TSFM: variants seen among roughly 807,000 people sequenced by gnomAD.
TSFM encodes the protein Ts translation elongation factor, mitochondrial.
In TSFM, 29 loss-of-function variants were observed where a neutral mutation model predicts 33.4. The ratio of observed to expected loss-of-function variants is 0.87; its 90% confidence interval spans 0.65 to 1.18. TSFM has a LOEUF of 1.18. TSFM is among the 50% of genes most tolerant of loss of function. The probability of loss-of-function intolerance (pLI) is 0.00; values close to 1 mark genes in which losing one functional copy is unlikely to be tolerated. For synonymous variants in TSFM, 178 were observed against 163.5 expected, an observed-to-expected ratio of 1.09 and a Z score of -0.68; for missense variants, 394 against 395.6, an observed-to-expected ratio of 1.00 and a Z score of 0.04.
downstream of TSFM, chr12:57,799,933 A>G (rs1280456157): frequency 6.2e-7 from 1 of 1,614,050 alleles, no homozygotes; most frequent in South Asian, 1.1e-5. Flanking sequence ...AGGTAAGATA[A>G]GAATGTAGGC....
chr12:57,784,417 A>G (rs1955561460), intron 2 of TSFM, among the ~76,000 whole-genome samples: 1 of 152,212 alleles, frequency 6.6e-6, no homozygotes, highest in African/African-American at 2.4e-5. Context: ...TTCTGTGATA[A>G]TAAGTTAACC....
intron 5 of TSFM, among the ~76,000 whole-genome samples, chr12:57,794,734 G>A (rs1955707862): frequency 6.6e-6 from 1 of 152,188 alleles, no homozygotes; most frequent in African/African-American, 2.4e-5. Context: ...TGAGTGCTAT[G>A]TGCCAGATAC....
intron 4 of TSFM, among the ~76,000 whole-genome samples, chr12:57,790,056 C>CT (rs1955641715): frequency 3.5e-5 from 3 of 84,542 alleles, no homozygotes; most frequent in African/African-American, 1.6e-4. Context: ...TGATTTCTTT[C>CT]TTTCTTTTTT....
At position 57,787,032 on chromosome 12, in the gene TSFM, T is replaced by G. The variant is rs2140417965; in HGVS notation, c.361-8T>G. The G allele has an allele frequency of 6.2e-7, 1 of 1,612,992 alleles. No individual in the cohort carries two copies. The highest frequency in any genetic ancestry group is 8.5e-7 in the Non-Finnish European group (1 of 1,179,448). Reference sequence around the variant, plus strand: ...AGCTTATACAGCTATATCAATTTGTTCCCACAGGTAAACTGTGAGACAGAT... The same window carrying G: ...AGCTTATACAGCTATATCAATTTGTGCCCACAGGTAAACTGTGAGACAGAT... On this transcript the variant is annotated splice_region_variant and splice_polypyrimidine_tract_variant and intron_variant, in intron 3 of 5. Coordinates refer to ENST00000652027, the MANE Select transcript of TSFM (RefSeq NM_005726.6).
chr12:57,786,435 G>A, intron 3 of TSFM, 144 bp downstream of exon 3: 1 of 1,066,390 alleles, frequency 9.4e-7, no homozygotes, highest in Non-Finnish European at 1.3e-6. Flanking sequence ...ATGAAACCCT[G>A]GGTATTAGTT....
chr12:57,786,355 G>GC (rs1955591392), intron 3 of TSFM, 64 bp downstream of exon 3: 2 of 1,527,018 alleles, frequency 1.3e-6, no homozygotes, highest in Admixed American at 2.2e-5. Flanking sequence ...CTTGTAGTAG[G>GC]CCCTAAAGGG....
chr12:57,802,025 C>T (rs1194166020), downstream of TSFM: 11 of 1,004,038 alleles, frequency 1.1e-5, no homozygotes, highest in Non-Finnish European at 1.6e-5. Flanking sequence ...AAGTAAAAGG[C>T]AGGGAGTGGG....
downstream of TSFM, among the ~76,000 whole-genome samples, chr12:57,798,768 C>T (rs951015289): frequency 1.4e-4 from 22 of 152,136 alleles, no homozygotes; most frequent in African/African-American, 4.1e-4. Flanking sequence ...AGGCACCCAC[C>T]ACCACGCCTG....
chr12:57,791,903 C>A (rs1280894467), intron 4 of TSFM: 4 of 345,504 alleles, frequency 1.2e-5, no homozygotes, highest in East Asian at 2.1e-4. Flanking sequence ...GCATTCCCAT[C>A]AAAAATGTGC....
chr12:57,784,916 C>CTTTTTTTT (rs1164168295), intron 2 of TSFM, among the ~76,000 whole-genome samples: 3 of 79,142 alleles, frequency 3.8e-5, no homozygotes, highest in Non-Finnish European at 4.8e-5. Flanking sequence ...ATTGAAATAT[C>CTTTTTTTT]TTTTTTTTTT....
Position 57,796,304 on chromosome 12 carries a change from G to A in TSFM, c.699G>A (p.Lys233=). 1.2e-6 allele frequency: 2 copies of A among 1,612,250 alleles called. No individual in the cohort carries two copies. Among genetic ancestry groups the A allele is most frequent in the Non-Finnish European group, 1.7e-6 (2 of 1,179,100 alleles). The change falls in exon 6 of 6, where the codon AAG becomes AAA. Residue 233 remains lysine, a synonymous_variant. Coordinates refer to ENST00000652027, the MANE Select transcript of TSFM (RefSeq NM_005726.6). ...SPSLHKLVLG[K]YGALVICETS... ...CACTTCACAAGCTGGTGCTGGGGAA[G>A]TATGGGGCCCTGGTCATCTGTGAGA...
downstream of TSFM, chr12:57,797,955 A>G: frequency 2.5e-6 from 4 of 1,613,274 alleles, no homozygotes; most frequent in Non-Finnish European, 3.4e-6. Flanking sequence ...CCCTCTTGTG[A>G]TGCCAAACAC....
chr12:57,792,207 G>T (rs192052597), intron 4 of TSFM, among the ~76,000 whole-genome samples: 3 of 150,118 alleles, frequency 2.0e-5, no homozygotes, highest in Non-Finnish European at 4.4e-5. Flanking sequence ...TCATGCCACC[G>T]CACTCCAGCC....
downstream of TSFM, among the ~76,000 whole-genome samples, chr12:57,801,761 T>G (rs1955853550): frequency 6.6e-6 from 1 of 151,772 alleles, no homozygotes; most frequent in Non-Finnish European, 1.5e-5. Flanking sequence ...AAAAAAAAGT[T>G]GATTAGGAGT....
rs755545535 is a variant in TSFM at position 57,796,502 on chromosome 12, T to A, written c.897T>A (p.Tyr299Ter). ...ATCCCTCCATTACCTTGGGGCAGTA[T>A]GTGCAGCCTCAGGGGGTGTCGGTAG... ...LLDPSITLGQ[Y>*]VQPQGVSVVD... Residue 299 changes from tyrosine to a stop codon, truncating the protein, a stop_gained, in exon 6 of 6, where the codon TAT becomes TAA. Transcript: ENST00000652027. LOFTEE classifies it high-confidence loss of function. 6.4e-7 allele frequency: 1 copy of A among 1,551,972 alleles called. No homozygotes were observed. Among genetic ancestry groups the A allele is most frequent in the African/African-American group, 1.4e-5 (1 of 73,364 alleles).
chr12:57,802,421 C>G, downstream of TSFM: 1 of 1,480,262 alleles, frequency 6.8e-7, no homozygotes, highest in Middle Eastern at 1.7e-4. Context: ...TACACATTAC[C>G]CTATCTTTCC....
intron 2 of TSFM, chr12:57,784,241 C>G: frequency 1.5e-6 from 1 of 656,898 alleles, no homozygotes; most frequent in Admixed American, 2.2e-5. Flanking sequence ...CGATACATCT[C>G]CATAGGGAAC....
intron 3 of TSFM, 92 bp downstream of exon 3, chr12:57,786,383 A>T: frequency 7.1e-7 from 1 of 1,417,488 alleles, no homozygotes; most frequent in South Asian, 1.5e-5. Context: ...CTTGAAGAAG[A>T]GATCTGTTTA....
At chr12:57,786,095 T>C (rs955045576) in intron 2 of TSFM, 68 bp from the exon 3 acceptor site, 15 of 1,486,972 alleles carry the variant, frequency 1.0e-5, no homozygotes, top group Admixed American at 2.4e-5. Flanking sequence ...CCTGAGTATA[T>C]CTTAGAACTA....
Sources: allele counts gnomAD v4.1 joint callset (sites outside exome capture counted in the v4.1 genomes callset), GRCh38; gene constraint gnomAD v4.1.1; transcripts MANE v1.5; gene names NCBI Gene and HGNC (gene_info 2026-07-23, HGNC 2026-07-21).